Variants in NOS1 observed in about 807,000 individuals in gnomAD.
NOS1 encodes the protein nitric oxide synthase 1, also known as NOS type I.
Under a neutral mutation model 164.5 loss-of-function variants are expected in NOS1, and 51 were observed. The observed-to-expected ratio is 0.31, with a 90% confidence interval of 0.25 to 0.39. The LOEUF is 0.39. NOS1 is among the 10% of genes least tolerant of loss of function. NOS1 has a pLI of 1.00. For synonymous variants in NOS1, 719 were observed against 745.8 expected (o/e 0.96, Z 0.59); for missense variants, 1,362 against 1,885.6 (o/e 0.72, Z 5.14).
At chr12:117,334,325 A>G (rs1206492526) in intron 1 of NOS1, among the ~76,000 whole-genome samples, 1 of 152,088 alleles carries the variant, frequency 6.6e-6, no homozygotes, top group Non-Finnish European at 1.5e-5. Flanking sequence ...AGAGGCAGAT[A>G]TATTTTCTGT....
At position 117,315,286 on chromosome 12, in the gene NOS1, G is replaced by A. The variant is rs146609384; in HGVS notation, c.726-3694C>T. On this transcript the variant is annotated intron_variant, in intron 2 of 28. Transcript: ENST00000317775. Reference sequence around the variant, plus strand: ...TGGCGTGATCTTGGCTCACTGTAACGTCCACCTCCCAGGTTCAAGTGATTC... The same window carrying A: ...TGGCGTGATCTTGGCTCACTGTAACATCCACCTCCCAGGTTCAAGTGATTC... Among the ~76,000 whole-genome samples, 757 of 151,372 alleles carry A rather than the reference G, an allele frequency of 5.0e-3. 9 individuals are homozygous for A. The highest frequency in any genetic ancestry group is 0.017 in the African/African-American group (702 of 41,214).
At chr12:117,262,405 GGA>G (rs1414509771) in intron 13 of NOS1, among the ~76,000 whole-genome samples, 1 of 144,376 alleles carries the variant, frequency 6.9e-6, no homozygotes, top group Admixed American at 6.9e-5. Context: ...TAGGGTGGAA[GGA>G]GAGAGAGGGA....
In NOS1 at chr12:117,330,337, G is replaced by A; in HGVS notation, c.725+8C>T. The A allele has an allele frequency of 1.9e-6, 3 of 1,582,980 alleles. No individual in the cohort carries two copies. Among genetic ancestry groups the A allele is most frequent in the Non-Finnish European group, 2.6e-6 (3 of 1,166,548 alleles). On this transcript the variant is annotated splice_region_variant and intron_variant, in intron 2 of 28. Coordinates refer to ENST00000317775, the MANE Select transcript of NOS1 (RefSeq NM_000620.5). This position sits in a 1 kb window ranked among gnomAD's most constrained non-coding sequence, Gnocchi z 4.6. ...ACACACACACACACACACCCCTGTGGAGCTTACCTGTCCACCTGGATTCCC... is the reference window on the plus strand; with the variant it reads ...ACACACACACACACACACCCCTGTGAAGCTTACCTGTCCACCTGGATTCCC...
At chr12:117,290,563 TC>T in intron 3 of NOS1, 137 bp from the exon 4 acceptor site, 1 of 1,055,610 alleles carries the variant, frequency 9.5e-7, no homozygotes. Context: ...CAGAGTAAGA[TC>T]CAGCCCTTCC....
At position 117,212,216 on chromosome 12, in the gene NOS1, G is replaced by A. The variant is rs917930087; in HGVS notation, c.*3093C>T. The A allele has an allele frequency of 3.0e-6, 3 of 985,236 alleles. No homozygotes were observed. Among genetic ancestry groups the A allele is most frequent in the African/African-American group, 1.7e-5 (1 of 57,230 alleles). The allele number at this position is 985,236 out of a possible 1,614,324, so 61.0% of individuals were successfully genotyped here. On this transcript the variant is annotated 3_prime_UTR_variant, in exon 29 of 29. Coordinates refer to ENST00000317775, the MANE Select transcript of NOS1 (RefSeq NM_000620.5). Reference sequence around the variant, plus strand: ...TGCAGTAAGTTTTGAACCAGGTACTGTAACTGGGCATTTCGTGGGCATTGT... The same window carrying A: ...TGCAGTAAGTTTTGAACCAGGTACTATAACTGGGCATTTCGTGGGCATTGT...
At chr12:117,311,211 T>C (rs1030614197) in intron 3 of NOS1, among the ~76,000 whole-genome samples, 2 of 149,340 alleles carry the variant, frequency 1.3e-5, no homozygotes, top group African/African-American at 5.0e-5. Flanking sequence ...TGTGAATGCC[T>C]TTCCCAGAAG....
intron 4 of NOS1, among the ~76,000 whole-genome samples, chr12:117,288,867 G>A (rs907913248): frequency 1.3e-5 from 2 of 152,146 alleles, no homozygotes; most frequent in Non-Finnish European, 2.9e-5. Flanking sequence ...ACAGGGTTGA[G>A]TTATCTCAGC....
chr12:117,348,808 C>A (rs1876481344), intron 1 of NOS1, among the ~76,000 whole-genome samples: 1 of 152,182 alleles, frequency 6.6e-6, no homozygotes, highest in Non-Finnish European at 1.5e-5. Flanking sequence ...GAAAGACTGA[C>A]AAACTGTCAC....
intron 3 of NOS1, among the ~76,000 whole-genome samples, chr12:117,291,147 G>A (rs1471759634): frequency 6.6e-6 from 1 of 152,190 alleles, no homozygotes; most frequent in Non-Finnish European, 1.5e-5. Context: ...CCGAGAGGCA[G>A]AGGCTGCAGT....
At chr12:117,324,073 C>A (rs1398356195) in intron 2 of NOS1, among the ~76,000 whole-genome samples, 1 of 152,058 alleles carries the variant, frequency 6.6e-6, no homozygotes, top group East Asian at 1.9e-4. Flanking sequence ...CCACACCTGG[C>A]CTGTCTCTTT....
At chr12:117,311,400 T>G (rs1874423917) in intron 3 of NOS1, 66 bp downstream of exon 3, 22 of 1,506,176 alleles carry the variant, frequency 1.5e-5, no homozygotes, top group Non-Finnish European at 2.0e-5. Context: ...CCCCTCAGCT[T>G]CCCACCTGGG....
chr12:117,301,230 C>T (rs950085612), intron 3 of NOS1, among the ~76,000 whole-genome samples: 1 of 152,114 alleles, frequency 6.6e-6, no homozygotes, highest in African/African-American at 2.4e-5. Flanking sequence ...CAGGTTCAAG[C>T]GATCCTCCTG....
intron 7 of NOS1, among the ~76,000 whole-genome samples, chr12:117,282,498 T>C (rs1873753163): frequency 6.6e-6 from 1 of 152,220 alleles, no homozygotes; most frequent in African/African-American, 2.4e-5. Flanking sequence ...CTGATTCAAA[T>C]CTGCTTCCTC....
Position 117,330,729 on chromosome 12 carries a change from T to A in NOS1, c.341A>T (p.Asp114Val). The change falls in exon 2 of 29, where the codon GAT becomes GTT. Residue 114 changes from aspartate to valine, a missense_variant. Asp to Val is a radical substitution (Grantham distance 152). Transcript: ENST00000317775. This position sits in a 1 kb window ranked among gnomAD's most constrained non-coding sequence, Gnocchi z 4.6. Reference protein sequence around the residue: ...TTHLETTFTGDGTPKTIRVTQ... With the variant: ...TTHLETTFTGVGTPKTIRVTQ... ...CACCCGGATGGTCTTGGGGGTCCCA[T>A]CACCTGTAAAGGTGGTCTCCAGGTG... 1 of 1,613,906 alleles carries A rather than the reference T, an allele frequency of 6.2e-7. No homozygotes were observed. The highest frequency in any genetic ancestry group is 1.7e-5 in the Admixed American group (1 of 60,014).
At chr12:117,288,034 A>G in intron 5 of NOS1, 40 bp downstream of exon 5, 1 of 1,611,332 alleles carries the variant, frequency 6.2e-7, no homozygotes, top group East Asian at 2.2e-5. Flanking sequence ...CCAGCATTCG[A>G]TAACTTACCT....
At chr12:117,262,448 CAGAG>C (rs976143753) in intron 13 of NOS1, among the ~76,000 whole-genome samples, 1 of 67,802 alleles carries the variant, frequency 1.5e-5, no homozygotes, top group African/African-American at 6.4e-5. Flanking sequence ...GAGAGAGAGA[CAGAG>C]AGAGGAGAGG....
At chr12:117,338,984 A>G (rs1437252167) in intron 1 of NOS1, among the ~76,000 whole-genome samples, 2 of 152,138 alleles carry the variant, frequency 1.3e-5, no homozygotes, top group African/African-American at 2.4e-5. Context: ...CACCCCCAAC[A>G]CAAACAAAAG....
At chr12:117,271,445 T>C (rs544028277) in intron 10 of NOS1, among the ~76,000 whole-genome samples, 1 of 152,112 alleles carries the variant, frequency 6.6e-6, no homozygotes, top group Non-Finnish European at 1.5e-5. Context: ...GCCTGGCTAA[T>C]TTTTGTATTT....
Position 117,243,385 on chromosome 12 carries a change from G to C in NOS1, c.2874C>G (p.Ala958=). Residue 958 remains alanine (A), a synonymous_variant, in exon 19 of 29, where the codon GCC becomes GCG. Transcript: ENST00000317775. The surrounding 1 kb of genome is among the most constrained non-coding windows in gnomAD (Gnocchi z 4.3). ...GATCATTGCTGATGAGGGAATTGTT[G>C]GCCTTTTCAATGTTGACATCATCTC... is the stretch of plus-strand genomic sequence containing the variant. ...CVGDDVNIEK[A]NNSLISNDRS... 6.2e-7 allele frequency: 1 copy of C among 1,614,056 alleles called. No homozygotes were observed. The highest frequency in any genetic ancestry group is 8.5e-7 in the Non-Finnish European group (1 of 1,180,028).
Sources: gnomAD v4.1 joint callset for allele counts (sites outside exome capture counted in the v4.1 genomes callset) on GRCh38, gnomAD v4.1.1 for gene constraint, Gnocchi (gnomAD v3.1) non-coding constraint, MANE v1.5 for transcripts, NCBI Gene and HGNC (gene_info 2026-07-23, HGNC 2026-07-21) for gene names.